The following KLC2 variants were observed in gnomAD, a reference collection of about 807,000 sequenced individuals.
The protein encoded by KLC2 is KLC 2.
A neutral mutation model predicts 75.1 loss-of-function variants in KLC2; 35 were observed. The observed-to-expected ratio is 0.47, with a 90% CI of 0.36 to 0.62. KLC2 has a LOEUF of 0.62. Ranked by LOEUF, KLC2 falls within the 20% of genes least tolerant of loss-of-function variation. KLC2 has a pLI of 0.00. For synonymous variants in KLC2, 314 were observed against 336.7 expected, an observed-to-expected ratio of 0.93 and a Z score of 0.74; for missense variants, 611 against 833.2, an observed-to-expected ratio of 0.73 and a Z score of 3.28.
rs372539705 is a variant in KLC2, at chr11:66,262,860, C to T, written c.576C>T (p.Tyr192=). The T allele has an allele frequency of 1.7e-5, 28 of 1,613,538 alleles. No individual in the cohort carries two copies. The highest frequency in any genetic ancestry group is 6.7e-5 in the Admixed American group (4 of 59,968). ...GGDVSGQHGG[Y]EIPARLRTLH... ...ATGTGTCTGGTCAGCATGGGGGCTA[C>T]GAGATCCCGGCCCGGCTCCGCACCC... Residue 192 remains tyrosine (Y), a synonymous_variant, in exon 5 of 16, where the codon TAC becomes TAT. Transcript: ENST00000394067.
At chr11:66,266,571 C>T (rs1267967547) in intron 15 of KLC2, 81 bp downstream of exon 15, 1 of 1,371,264 alleles carries the variant, frequency 7.3e-7, no homozygotes. Context: ...TCCAGCATGC[C>T]TCTTCATCCA....
intron 5 of KLC2, 69 bp downstream of exon 5, chr11:66,263,105 C>A: frequency 8.3e-7 from 1 of 1,204,958 alleles, no homozygotes; most frequent in Non-Finnish European, 1.2e-6. Flanking sequence ...ACCCTTGGTG[C>A]CTGCTGTGGG....
Position 66,267,588 on chromosome 11 carries a change from C to T in KLC2, c.*632C>T. On this transcript the variant is annotated 3_prime_UTR_variant, in exon 16 of 16. Coordinates refer to ENST00000394067, the MANE Select transcript of KLC2 (RefSeq NM_001318734.2). ...ATCGCCCCGTGGCCCAGGACGGGGA[C>T]CTCCCCTTAGTCCGTCCTCCCACCG... 1 of 616,330 alleles carries T rather than the reference C, an allele frequency of 1.6e-6. No homozygotes were observed. Among genetic ancestry groups the T allele is most frequent in the African/African-American group, 1.8e-5 (1 of 54,328 alleles). The allele number at this position is 616,330 out of a possible 1,614,324, so 38.2% of individuals were successfully genotyped here. A position where few individuals can be genotyped will look rare whatever the true frequency, so the allele number is the denominator to read the frequency against.
intron 2 of KLC2, among the ~76,000 whole-genome samples, chr11:66,260,383 G>A (rs905151119): frequency 6.6e-6 from 1 of 152,180 alleles, no homozygotes; most frequent in Non-Finnish European, 1.5e-5. Context: ...TGCACGGAGG[G>A]CATGGGCATC....
intron 2 of KLC2, 45 bp downstream of exon 2, chr11:66,258,867 C>G (rs759574325): frequency 5.1e-6 from 7 of 1,366,310 alleles, no homozygotes; most frequent in East Asian, 2.3e-5. Context: ...CTGGAGGGAT[C>G]GAGCCTTCAA....
upstream of KLC2, among the ~76,000 whole-genome samples, chr11:66,253,936 C>T (rs748683767): frequency 1.1e-4 from 17 of 152,154 alleles, no homozygotes; most frequent in African/African-American, 3.4e-4. Context: ...CTCCATTTAC[C>T]GGGAAAAAGG....
chr11:66,260,098 T>C (rs1031637228), intron 2 of KLC2, among the ~76,000 whole-genome samples: 2 of 152,186 alleles, frequency 1.3e-5, no homozygotes, highest in Non-Finnish European at 2.9e-5. Context: ...AGTTGTATCA[T>C]TTTGGTTTCC....
Position 66,262,153 on chromosome 11 carries a change from C to T in KLC2, c.490C>T (p.Leu164=). Residue 164 remains leucine (L), a synonymous_variant, in exon 4 of 16, where the codon CTG becomes TTG. Coordinates refer to ENST00000394067, the MANE Select transcript of KLC2 (RefSeq NM_001318734.2). The part of the protein sequence containing the change: ...EEKGDVPKDT[L]DDLFPNEDEQ... ...GAAGGGGGACGTCCCCAAAGACACACTGGATGACCTGTTCCCCAATGAGGA... is the reference window on the plus strand; with the variant it reads ...GAAGGGGGACGTCCCCAAAGACACATTGGATGACCTGTTCCCCAATGAGGA... 6.2e-7 allele frequency: 1 copy of T among 1,613,482 alleles called. No homozygotes were observed. The highest frequency in any genetic ancestry group is 8.5e-7 in the Non-Finnish European group (1 of 1,179,998).
the KLC2 span, among the ~76,000 whole-genome samples, chr11:66,248,873 C>T: frequency 6.6e-6 from 1 of 152,176 alleles, no homozygotes; most frequent in African/African-American, 2.4e-5. Context: ...TCTGGGACTA[C>T]AGGCATGTGT....
At chr11:66,262,002 A>G in intron 3 of KLC2, 30 bp downstream of exon 3, 1 of 1,603,252 alleles carries the variant, frequency 6.2e-7, no homozygotes, top group Non-Finnish European at 8.5e-7. Flanking sequence ...ACTGTTGCCC[A>G]GCAAGGAGGC....
At chr11:66,256,833 C>T (rs1856057081), upstream of KLC2, among the ~76,000 whole-genome samples, 1 of 152,102 alleles carries the variant, frequency 6.6e-6, no homozygotes. Context: ...TCCCTCTGAT[C>T]TTTGCAGTTC....
rs755687583 is a variant in KLC2 at position 66,266,863 on chromosome 11, C to T, written c.1786-10C>T. On this transcript the variant is annotated splice_polypyrimidine_tract_variant and intron_variant, in intron 15 of 15. Coordinates refer to ENST00000394067, the MANE Select transcript of KLC2 (RefSeq NM_001318734.2). ...CACAGGGCTGAGCCACCTGCCCCCT[C>T]TGCCCACAGCCTGGAGGCACAGGTC... 1.9e-6 allele frequency: 3 copies of T among 1,612,870 alleles called. No individual in the cohort carries two copies. The highest frequency in any genetic ancestry group is 2.5e-6 in the Non-Finnish European group (3 of 1,179,900).
At chr11:66,259,824 GAGGT>G (rs2134800169) in intron 2 of KLC2, 1 of 152,360 alleles carries the variant, frequency 6.6e-6, no homozygotes, top group Admixed American at 6.5e-5. Flanking sequence ...GGATGTTCTG[GAGGT>G]AGGTCCAGCA....
rs1856877903 is a variant in KLC2 at position 66,266,981 on chromosome 11, G to A, written c.*25G>A. ...ATGCTGAAGGGGCAGCCAGTCACCA[G>A]AGCGCCCACCTGGCACACCCCCCTC... On this transcript the variant is annotated 3_prime_UTR_variant, in exon 16 of 16. Transcript: ENST00000394067. 1 of 1,609,610 alleles carries A rather than the reference G, an allele frequency of 6.2e-7. No homozygotes were observed. The highest frequency in any genetic ancestry group is 1.3e-5 in the African/African-American group (1 of 74,902).
rs762744349 is a variant in KLC2, at chr11:66,262,157, A to G, written c.494A>G (p.Asp165Gly). The G allele has an allele frequency of 8.7e-6, 14 of 1,613,350 alleles. No individual in the cohort carries two copies. The highest frequency in any genetic ancestry group is 1.1e-5 in the Non-Finnish European group (13 of 1,179,986). The change falls in exon 4 of 16, where the codon GAT becomes GGT. Residue 165 changes from aspartate (D) to glycine (G), a missense_variant. Transcript: ENST00000394067. ...EKGDVPKDTLDDLFPNEDEQS... is the reference protein window; with the variant it reads ...EKGDVPKDTLGDLFPNEDEQS... ...GGGGACGTCCCCAAAGACACACTGG[A>G]TGACCTGTTCCCCAATGAGGATGAG...
At chr11:66,252,167 A>C in the KLC2 span, among the ~76,000 whole-genome samples, 5 of 152,060 alleles carry the variant, frequency 3.3e-5, no homozygotes, top group Non-Finnish European at 7.4e-5. Context: ...TTCTTTTCCC[A>C]CACCTTGCAC....
rs1306324786 is a variant in KLC2, at chr11:66,263,171, C to G, written c.752+135C>G. On this transcript the variant is annotated intron_variant, in intron 5 of 15. Coordinates refer to ENST00000394067, the MANE Select transcript of KLC2 (RefSeq NM_001318734.2). Reference sequence around the variant, plus strand: ...GGGCTACAGATGCAAGTAAAACTGTCTAGTGTAAGAGAGAGGCTTGGCCAG... The same window carrying G: ...GGGCTACAGATGCAAGTAAAACTGTGTAGTGTAAGAGAGAGGCTTGGCCAG... The G allele has an allele frequency of 1.4e-5, 9 of 655,930 alleles. No homozygotes were observed. The East Asian group carries it at 2.5e-4, about 18-fold the overall frequency. 40.6% of individuals were successfully genotyped at this position (655,930 alleles called of 1,614,324 possible).
At chr11:66,264,654 G>A in intron 9 of KLC2, 1 of 597,114 alleles carries the variant, frequency 1.7e-6, no homozygotes, top group Non-Finnish European at 3.0e-6. Context: ...GGCCTGCTAG[G>A]GCCTCACACG....
At chr11:66,266,408 A>T (rs1450693782) in intron 14 of KLC2, 25 bp from the exon 15 acceptor site, 1 of 1,586,070 alleles carries the variant, frequency 6.3e-7, no homozygotes, top group Non-Finnish European at 8.6e-7. Flanking sequence ...CCTTGGGCAA[A>T]TCCCAGGCTG....
Sources: allele counts gnomAD v4.1 joint callset (sites outside exome capture counted in the v4.1 genomes callset), GRCh38; gene constraint gnomAD v4.1.1; transcripts MANE v1.5; gene names NCBI Gene and HGNC (gene_info 2026-07-23, HGNC 2026-07-21).